Variants in GRIA4 observed in about 807,000 individuals in gnomAD.
The protein encoded by GRIA4 is glutamate receptor 4.
GRIA4 carries 34 observed loss-of-function variants against 104.0 expected under a neutral mutation model. That is an observed-to-expected ratio of 0.33 (90% CI 0.25 to 0.44). GRIA4 has a LOEUF of 0.44. Among genes scored for constraint, GRIA4 ranks in the 20% least tolerant of loss-of-function variants. The pLI is 1.00. For synonymous variants in GRIA4, 386 were observed against 381.9 expected, an observed-to-expected ratio of 1.01 and a Z score of -0.13; for missense variants, 750 against 1,096.5, an observed-to-expected ratio of 0.68 and a Z score of 4.46.
At chr11:105,634,513 G>A (rs1443056205) in intron 3 of GRIA4, among the ~76,000 whole-genome samples, 54 of 69,424 alleles carry the variant, frequency 7.8e-4, no homozygotes, top group African/African-American at 2.2e-3. Flanking sequence ...AAGAAAGAAA[G>A]AAGAAAGAAA....
At chr11:105,849,149 G>C (rs571045852) in intron 4 of GRIA4, among the ~76,000 whole-genome samples, 41 of 152,154 alleles carry the variant, frequency 2.7e-4, no homozygotes, top group Non-Finnish European at 3.5e-4. Flanking sequence ...CCCAGATTGC[G>C]CCACTGCATT....
chr11:105,863,972 T>C (rs1945319085), intron 5 of GRIA4, among the ~76,000 whole-genome samples: 1 of 152,340 alleles, frequency 6.6e-6, no homozygotes, highest in South Asian at 2.1e-4. Context: ...TTTTGTCATA[T>C]TAAAGAAATT....
chr11:105,741,249 A>AG (rs922454603), intron 3 of GRIA4, among the ~76,000 whole-genome samples: 2 of 152,068 alleles, frequency 1.3e-5, no homozygotes, highest in African/African-American at 4.8e-5. Flanking sequence ...AAAGGTTTTG[A>AG]GGGGGGGAAA....
chr11:105,613,360 C>T (rs1200928064), intron 3 of GRIA4: 5 of 152,184 alleles, frequency 3.3e-5, no homozygotes, highest in Non-Finnish European at 7.3e-5. Flanking sequence ...TACCTCCTCA[C>T]ATTTATATGC....
At position 105,933,759 on chromosome 11, in the gene GRIA4, A is replaced by G. The variant is rs376604804; in HGVS notation, c.2084A>G (p.Tyr695Cys). 14 of 1,608,244 alleles carry G rather than the reference A, an allele frequency of 8.7e-6. No homozygotes were observed. Among genetic ancestry groups the G allele is most frequent in the African/African-American group, 2.7e-5 (2 of 74,816 alleles). ...KIAVYEKMWT[Y>C]MRSAEPSVFT... ...GCAGTGTATGAAAAGATGTGGACCTACATGCGATCAGCAGAGCCATCAGTA... is the reference window on the plus strand; with the variant it reads ...GCAGTGTATGAAAAGATGTGGACCTGCATGCGATCAGCAGAGCCATCAGTA... Residue 695 changes from tyrosine (Y) to cysteine (C), a missense_variant, in exon 14 of 17, where the codon TAC (tyrosine) becomes TGC (cysteine). Tyr to Cys is a radical substitution (Grantham distance 194). Coordinates refer to ENST00000282499, the MANE Select transcript of GRIA4 (RefSeq NM_000829.4).
At chr11:105,751,130 A>C (rs976809389) in intron 3 of GRIA4, among the ~76,000 whole-genome samples, 1 of 152,202 alleles carries the variant, frequency 6.6e-6, no homozygotes, top group Non-Finnish European at 1.5e-5. Context: ...CCAGGATCTT[A>C]GGTTTGAATT....
At chr11:105,876,562 G>A (rs996050249) in intron 5 of GRIA4, among the ~76,000 whole-genome samples, 1 of 152,080 alleles carries the variant, frequency 6.6e-6, no homozygotes, top group Non-Finnish European at 1.5e-5. Flanking sequence ...TTTCTTTGTA[G>A]GTCTCTAAGA....
intron 4 of GRIA4, among the ~76,000 whole-genome samples, chr11:105,797,314 T>C (rs1591273036): frequency 6.6e-6 from 1 of 152,270 alleles, no homozygotes; most frequent in East Asian, 1.9e-4. Flanking sequence ...CCGCTAACAA[T>C]ACAAGGGTAT....
At chr11:105,919,649 T>C (rs1947505645) in intron 11 of GRIA4, among the ~76,000 whole-genome samples, 1 of 152,116 alleles carries the variant, frequency 6.6e-6, no homozygotes, top group Non-Finnish European at 1.5e-5. Flanking sequence ...ATCAGAGCAA[T>C]ATCAAGATCA....
At chr11:105,828,256 G>A (rs688053) in intron 4 of GRIA4, among the ~76,000 whole-genome samples, 25,815 of 151,870 alleles carry the variant, frequency 0.17, 2,543 homozygotes, top group African/African-American at 0.27. Flanking sequence ...CGTTTGTAGA[G>A]GGAAAATAAA....
At chr11:105,779,793 C>A (rs1346684424) in intron 4 of GRIA4, among the ~76,000 whole-genome samples, 1 of 150,948 alleles carries the variant, frequency 6.6e-6, no homozygotes, top group Non-Finnish European at 1.5e-5. Context: ...TAGTGTAGAT[C>A]TTATCTTGTG....
At position 105,735,512 on chromosome 11, in the gene GRIA4, G is replaced by C. The variant is rs117308835; in HGVS notation, c.248-17469G>C. 5.7e-3 allele frequency among the ~76,000 whole-genome samples: 872 copies of C among 152,190 alleles called. 6 individuals are homozygous for C. The highest frequency in any genetic ancestry group is 0.011 in the South Asian group (53 of 4,816). ...ACAAGGTAGACATTCCTTTCTCACA[G>C]GTCTCCTCTCCCTGTAGCAGCAAGA... On this transcript the variant is annotated intron_variant, in intron 3 of 16. Transcript: ENST00000282499.
At chr11:105,752,241 G>A (rs1185966524) in intron 3 of GRIA4, among the ~76,000 whole-genome samples, 4 of 152,104 alleles carry the variant, frequency 2.6e-5, no homozygotes, top group African/African-American at 9.7e-5. Flanking sequence ...GTTTCTCTGG[G>A]GTCCTCTTAC....
intron 3 of GRIA4, among the ~76,000 whole-genome samples, chr11:105,685,264 C>G (rs1298949849): frequency 6.6e-6 from 1 of 152,032 alleles, no homozygotes; most frequent in Non-Finnish European, 1.5e-5. Flanking sequence ...ATATGCTCAC[C>G]AGCTGCAGCC....
chr11:105,748,836 C>T (rs145738080), intron 3 of GRIA4, among the ~76,000 whole-genome samples: 113 of 152,142 alleles, frequency 7.4e-4, no homozygotes, highest in Non-Finnish European at 1.4e-3. Context: ...AACCATTTCT[C>T]AGAAAATTCA....
intron 4 of GRIA4, among the ~76,000 whole-genome samples, chr11:105,754,147 C>G (rs1254690106): frequency 2.6e-5 from 4 of 152,102 alleles, no homozygotes; most frequent in Non-Finnish European, 5.9e-5. Context: ...CATCTTGGAG[C>G]TATCTAAGGG....
intron 4 of GRIA4, among the ~76,000 whole-genome samples, chr11:105,847,598 G>T (rs991501204): frequency 6.6e-6 from 1 of 152,148 alleles, no homozygotes; most frequent in African/African-American, 2.4e-5. Flanking sequence ...TTAAGAGCCA[G>T]ATGGTGAAGT....
rs754605807 is a variant in GRIA4, at chr11:105,862,083, G to A, written c.547G>A (p.Ala183Thr). The part of the protein sequence containing the change: ...KAGQNGWHVS[A>T]ICVENFNDVS... Reference sequence around the variant, plus strand: ...AGGACAAAATGGTTGGCATGTCAGCGCTATATGTGTGGAAAATTTTAATGA... The same window carrying A: ...AGGACAAAATGGTTGGCATGTCAGCACTATATGTGTGGAAAATTTTAATGA... The change falls in exon 5 of 17, where the codon GCT becomes ACT. Residue 183 changes from alanine to threonine, a missense_variant. Transcript: ENST00000282499. 6 of 1,611,104 alleles carry A rather than the reference G, an allele frequency of 3.7e-6. No homozygotes were observed. The highest frequency in any genetic ancestry group is 2.2e-5 in the South Asian group (2 of 91,036).
chr11:105,612,215 G>C, intron 2 of GRIA4, 61 bp from the exon 3 acceptor site: 7 of 1,479,782 alleles, frequency 4.7e-6, no homozygotes, highest in Non-Finnish European at 6.6e-6. Flanking sequence ...ACTGTGCTTG[G>C]GGTGGGTATA....
Sources: gnomAD v4.1 joint callset for allele counts (sites outside exome capture counted in the v4.1 genomes callset) on GRCh38, gnomAD v4.1.1 for gene constraint, MANE v1.5 for transcripts, NCBI Gene and HGNC (gene_info 2026-07-23, HGNC 2026-07-21) for gene names.